Variants in PPP1R12B observed in about 807,000 individuals in gnomAD.
PPP1R12B encodes the protein myosin phosphatase target subunit 2.
A neutral mutation model predicts 126.1 loss-of-function variants in PPP1R12B; 76 were observed. The ratio of observed to expected loss-of-function variants is 0.60; its 90% CI spans 0.50 to 0.73. The LOEUF (loss-of-function observed/expected upper bound fraction) is 0.73, where lower values mean the gene tolerates loss of function less well. PPP1R12B is among the 30% of genes least tolerant of loss of function. The pLI is 0.00. For synonymous variants in PPP1R12B, 356 were observed against 434.7 expected (o/e 0.82, Z 2.25); for missense variants, 1,052 against 1,205.1 (o/e 0.87, Z 1.88).
chr1:202,381,303 GAA>G (rs1055716714), intron 1 of PPP1R12B, among the ~76,000 whole-genome samples: 15 of 151,690 alleles, frequency 9.9e-5, no homozygotes, highest in African/African-American at 3.6e-4. Context: ...AAAAGGGAAA[GAA>G]AAAAAAGGAC....
intron 18 of PPP1R12B, chr1:202,527,264 C>CAA (rs1328594974): frequency 2.6e-5 from 4 of 152,118 alleles, no homozygotes; most frequent in Non-Finnish European, 5.9e-5. Context: ...GGGATGCAAA[C>CAA]AAAAACAGAT....
intron 23 of PPP1R12B, chr1:202,574,902 A>G: frequency 8.0e-7 from 1 of 1,244,746 alleles, no homozygotes. Context: ...AACAAAAACA[A>G]AAAGTCATGT....
At chr1:202,558,711 A>G in intron 18 of PPP1R12B, 166 bp from the exon 19 acceptor site, 3 of 555,882 alleles carry the variant, frequency 5.4e-6, no homozygotes, top group Non-Finnish European at 9.5e-6. Flanking sequence ...TGTGTAGTCA[A>G]TTTGATTGCT....
intron 2 of PPP1R12B, among the ~76,000 whole-genome samples, chr1:202,420,446 T>C (rs1022695454): frequency 3.9e-5 from 6 of 152,168 alleles, no homozygotes; most frequent in African/African-American, 1.4e-4. Flanking sequence ...TTCCACCTAG[T>C]TGGAAGAAAC....
rs1216551972 is a variant in PPP1R12B, at chr1:202,575,086, G to A, written c.2863-5388G>A. ...TGAGAACAGGGCCCTGACCCGAGTG[G>A]TGGCCAGACTCTCGGAGTCCATCGA... On this transcript the variant is annotated intron_variant, in intron 23 of 23. Coordinates refer to ENST00000608999, the MANE Select transcript of PPP1R12B (RefSeq NM_002481.4). 3 of 1,613,584 alleles carry A rather than the reference G, an allele frequency of 1.9e-6. No homozygotes were observed. In the Admixed American group the frequency reaches 5.0e-5, roughly 27 times the overall value.
intron 18 of PPP1R12B, among the ~76,000 whole-genome samples, chr1:202,527,720 A>G (rs547721760): frequency 1.3e-5 from 2 of 152,276 alleles, no homozygotes; most frequent in South Asian, 2.1e-4. Context: ...CACCAAGCCT[A>G]GAGTAATTTG....
chr1:202,405,809 C>T lies in PPP1R12B; in HGVS notation c.292-10978C>T, dbSNP rs144443579. The stretch of plus-strand genomic sequence containing the variant: ...TAACTGCTTTCTCTCGTGTCTTCTA[C>T]CATGTAGTACTCTACCTGTGGGAGG... On this transcript the variant is annotated intron_variant, in intron 1 of 23. Coordinates refer to ENST00000608999, the MANE Select transcript of PPP1R12B (RefSeq NM_002481.4). Among the ~76,000 whole-genome samples, 687 of 152,230 alleles carry T rather than the reference C, an allele frequency of 4.5e-3. 7 individuals are homozygous for T. Among genetic ancestry groups the T allele is most frequent in the African/African-American group, 0.015 (631 of 41,540 alleles).
At chr1:202,406,191 G>A (rs1289976718) in intron 1 of PPP1R12B, among the ~76,000 whole-genome samples, 1 of 152,184 alleles carries the variant, frequency 6.6e-6, no homozygotes, top group East Asian at 1.9e-4. Context: ...CCCTCTCCAT[G>A]GGACAACAAT....
chr1:202,558,778 G>A (rs1044970616), intron 18 of PPP1R12B, 99 bp from the exon 19 acceptor site: 2 of 787,788 alleles, frequency 2.5e-6, no homozygotes, highest in Non-Finnish European at 2.1e-6. Flanking sequence ...GATTTGAAAA[G>A]TGCATTTATA....
chr1:202,365,999 G>A (rs1659157184), intron 1 of PPP1R12B, among the ~76,000 whole-genome samples: 1 of 150,768 alleles, frequency 6.6e-6, no homozygotes, highest in South Asian at 2.1e-4. Context: ...CTCCACTCCC[G>A]CCCCCCCACA....
intron 18 of PPP1R12B, among the ~76,000 whole-genome samples, chr1:202,498,359 A>T (rs1016906826): frequency 1.1e-4 from 16 of 152,246 alleles, no homozygotes; most frequent in African/African-American, 3.9e-4. Context: ...AAGAATAAAC[A>T]GCCCATTATC....
intron 1 of PPP1R12B, 113 bp downstream of exon 1, chr1:202,349,255 A>G: frequency 7.8e-7 from 1 of 1,275,890 alleles, no homozygotes; most frequent in Non-Finnish European, 1.1e-6. Context: ...CTGCATGGAC[A>G]CTGCCCTTTT....
chr1:202,362,084 T>G (rs1397354055), intron 1 of PPP1R12B, among the ~76,000 whole-genome samples: 1 of 152,114 alleles, frequency 6.6e-6, no homozygotes, highest in African/African-American at 2.4e-5. Context: ...TTTTTCCTGC[T>G]TCTTGGCAAC....
chr1:202,539,052 G>A (rs904233993), intron 18 of PPP1R12B, among the ~76,000 whole-genome samples: 18 of 152,124 alleles, frequency 1.2e-4, no homozygotes, highest in Non-Finnish European at 2.4e-4. Flanking sequence ...GCTTCCTCAC[G>A]GTGCAACAGG....
rs1305230789 is a variant in PPP1R12B, at chr1:202,508,768, T to C, written c.2490+11946T>C. Among the ~76,000 whole-genome samples, 22 of 152,206 alleles carry C rather than the reference T, an allele frequency of 1.4e-4. No homozygotes were observed. Among genetic ancestry groups the C allele is most frequent in the Admixed American group, 2.6e-4 (4 of 15,276 alleles). On this transcript the variant is annotated intron_variant, in intron 18 of 23. Transcript: ENST00000608999. This position sits in a 1 kb window ranked among gnomAD's most constrained non-coding sequence, Gnocchi z 4.5. ...TTGTGAAGAGTCAACACTCTGCCTT[T>C]CTGAGGCTGATAGGGAAAGCAGATG... is the stretch of plus-strand genomic sequence containing the variant.
At chr1:202,537,290 C>A (rs1684643362) in intron 18 of PPP1R12B, among the ~76,000 whole-genome samples, 1 of 151,680 alleles carries the variant, frequency 6.6e-6, no homozygotes, top group Non-Finnish European at 1.5e-5. Flanking sequence ...GGAGGCGGAG[C>A]TTGCAGTGAG....
At chr1:202,579,925 C>A (rs1279582815) in intron 23 of PPP1R12B, among the ~76,000 whole-genome samples, 1 of 152,086 alleles carries the variant, frequency 6.6e-6, no homozygotes, top group Non-Finnish European at 1.5e-5. Flanking sequence ...GATTATTCAC[C>A]GAAGGCACCA....
chr1:202,445,368 AT>A, intron 12 of PPP1R12B: 1 of 732,692 alleles, frequency 1.4e-6, no homozygotes, highest in Non-Finnish European at 1.9e-6. Flanking sequence ...TTTAATGAAG[AT>A]GCTTTTGCTT....
At chr1:202,368,508 A>G (rs573416218) in intron 1 of PPP1R12B, among the ~76,000 whole-genome samples, 24 of 152,266 alleles carry the variant, frequency 1.6e-4, no homozygotes, top group African/African-American at 5.5e-4. Context: ...GCAACACAAG[A>G]ATAGCCTAAT....
Sources: allele counts gnomAD v4.1 joint callset (sites outside exome capture counted in the v4.1 genomes callset), GRCh38; gene constraint gnomAD v4.1.1; non-coding constraint Gnocchi (gnomAD v3.1); transcripts MANE v1.5; gene names NCBI Gene and HGNC (gene_info 2026-07-23, HGNC 2026-07-21).